Variants in ATP10B observed in about 807,000 individuals in gnomAD.
The protein encoded by ATP10B is phospholipid-transporting ATPase VB.
ATP10B carries 122 observed loss-of-function variants against 141.2 expected under a neutral mutation model. The observed-to-expected ratio is 0.86, with a 90% confidence interval of 0.75 to 1.00. The LOEUF is 1.00. Ranked by LOEUF, ATP10B falls within the 50% of genes least tolerant of loss-of-function variation. The probability of loss-of-function intolerance (pLI) is 0.00; values close to 1 mark genes in which losing one functional copy is unlikely to be tolerated. For missense variants in ATP10B, 1,876 were observed against 1,825.3 expected (o/e 1.03, Z -0.51); for synonymous variants, 685 against 692.0 (o/e 0.99, Z 0.16).
intron 3 of ATP10B, among the ~76,000 whole-genome samples, chr5:160,715,764 T>C (rs1765602474): frequency 6.6e-6 from 1 of 151,808 alleles, no homozygotes; most frequent in African/African-American, 2.4e-5. Context: ...CAGGCTGGAG[T>C]GCAGTGGTGT....
At chr5:160,758,715 T>G (rs145914691) in intron 2 of ATP10B, among the ~76,000 whole-genome samples, 146 of 152,330 alleles carry the variant, frequency 9.6e-4, no homozygotes, top group African/African-American at 3.3e-3. Context: ...TGGGTCCCTT[T>G]TGGGGCCTGG....
chr5:160,733,196 C>CT (rs1310368406), intron 2 of ATP10B, among the ~76,000 whole-genome samples: 2 of 151,912 alleles, frequency 1.3e-5, no homozygotes, highest in Non-Finnish European at 2.9e-5. Context: ...ATTTCTATGT[C>CT]TTTTTTATTG....
chr5:160,631,946 C>G (rs1758964864), intron 13 of ATP10B, among the ~76,000 whole-genome samples, 183 bp downstream of exon 13: 1 of 152,240 alleles, frequency 6.6e-6, no homozygotes, highest in Non-Finnish European at 1.5e-5. Flanking sequence ...AAACATTGAA[C>G]ATTTCTAATG....
chr5:160,603,918 T>C, intron 20 of ATP10B, 47 bp downstream of exon 20: 3 of 1,535,056 alleles, frequency 2.0e-6, no homozygotes, highest in East Asian at 2.3e-5. Flanking sequence ...TTTCCTTGTA[T>C]CTCAACTAAG....
chr5:160,585,152 C>T (rs954621594), intron 24 of ATP10B, among the ~76,000 whole-genome samples: 1 of 152,132 alleles, frequency 6.6e-6, no homozygotes, highest in Non-Finnish European at 1.5e-5. Context: ...TTCTAGCCAC[C>T]ATTTCCTCTT....
intron 2 of ATP10B, among the ~76,000 whole-genome samples, chr5:160,749,494 C>T (rs1721217901): frequency 6.6e-6 from 1 of 152,158 alleles, no homozygotes; most frequent in African/African-American, 2.4e-5. Flanking sequence ...CCTTCTCAGG[C>T]CTTGTCTTAT....
chr5:160,647,524 G>T (rs181782592), intron 8 of ATP10B, among the ~76,000 whole-genome samples: 2 of 152,316 alleles, frequency 1.3e-5, no homozygotes, highest in South Asian at 2.1e-4. Flanking sequence ...CCTGAAATCC[G>T]TCTGAGAGGG....
chr5:160,799,199 A>G lies in ATP10B; in HGVS notation c.-575-13396T>C, dbSNP rs1009404399. 2.0e-5 allele frequency among the ~76,000 whole-genome samples: 3 copies of G among 152,070 alleles called. No homozygotes were observed. The East Asian group carries it at 5.8e-4, about 29-fold the overall frequency. ...GTCCTCGGACTCAGAACACTTCCCCACATCTTTCCAAGGCTACAATGTCTG... is the reference window on the plus strand; with the variant it reads ...GTCCTCGGACTCAGAACACTTCCCCGCATCTTTCCAAGGCTACAATGTCTG... On this transcript the variant is annotated intron_variant, in intron 1 of 25. Transcript: ENST00000327245.
chr5:160,912,292 T>G, the ATP10B span, among the ~76,000 whole-genome samples: 1 of 151,918 alleles, frequency 6.6e-6, no homozygotes, highest in Non-Finnish European at 1.5e-5. Flanking sequence ...TATTAAATAA[T>G]TCAGCCTGGT....
chr5:160,856,488 C>CTAT (rs1330184508), upstream of ATP10B, among the ~76,000 whole-genome samples: 2 of 151,668 alleles, frequency 1.3e-5, no homozygotes, highest in Non-Finnish European at 3.0e-5. Flanking sequence ...ATATGTATGC[C>CTAT]TATTATTTTA....
rs569330167 is a variant in ATP10B, at chr5:160,595,737, A to G, written c.3564+3033T>C. ...CACCACCGATCCCACAGAAATACAA[A>G]CTACCATCAGAAAATACTACAAACA... On this transcript the variant is annotated intron_variant, in intron 22 of 25. Transcript: ENST00000327245. Among the ~76,000 whole-genome samples, 1,166 of 151,408 alleles carry G rather than the reference A, an allele frequency of 7.7e-3. 9 individuals are homozygous for G. The highest frequency in any genetic ancestry group is 0.026 in the African/African-American group (1,090 of 41,272).
upstream of ATP10B, among the ~76,000 whole-genome samples, chr5:160,856,953 G>T (rs763892293): frequency 1.3e-5 from 2 of 151,660 alleles, no homozygotes; most frequent in Non-Finnish European, 3.0e-5. Flanking sequence ...TTTAATTGAT[G>T]AATTTTGTTT....
At chr5:160,705,079 C>T (rs899262848) in intron 3 of ATP10B, among the ~76,000 whole-genome samples, 9 of 151,580 alleles carry the variant, frequency 5.9e-5, no homozygotes, top group South Asian at 2.1e-4. Context: ...CCACCACACC[C>T]GGCTAATTTT....
chr5:160,794,297 C>T (rs1333135665), intron 1 of ATP10B, among the ~76,000 whole-genome samples: 1 of 152,122 alleles, frequency 6.6e-6, no homozygotes, highest in African/African-American at 2.4e-5. Context: ...TGTCCTGCAT[C>T]CCCTGTTTCC....
chr5:160,697,899 C>T (rs574675505), intron 3 of ATP10B, among the ~76,000 whole-genome samples: 1 of 152,218 alleles, frequency 6.6e-6, no homozygotes, highest in African/African-American at 2.4e-5. Flanking sequence ...CTCCTAGCTC[C>T]CCAACTCATA....
At chr5:160,749,555 TC>T (rs1324565617) in intron 2 of ATP10B, among the ~76,000 whole-genome samples, 33 of 152,190 alleles carry the variant, frequency 2.2e-4, no homozygotes, top group African/African-American at 7.7e-4. Flanking sequence ...GTCACTATCA[TC>T]CCTCCAATAC....
the ATP10B span, among the ~76,000 whole-genome samples, chr5:160,918,397 ATC>A: frequency 6.6e-6 from 1 of 152,226 alleles, no homozygotes; most frequent in African/African-American, 2.4e-5. Flanking sequence ...CACAGAATTT[ATC>A]TGAGCTCTGA....
intron 3 of ATP10B, among the ~76,000 whole-genome samples, chr5:160,704,528 G>T (rs1764862556): frequency 6.6e-6 from 1 of 152,124 alleles, no homozygotes; most frequent in Non-Finnish European, 1.5e-5. Context: ...AATTCTTAAA[G>T]ACCCTAGGAT....
At position 160,833,021 on chromosome 5, in the gene ATP10B, G is replaced by C. The variant is rs114756917; in HGVS notation, c.-576+18920C>G. On this transcript the variant is annotated intron_variant, in intron 1 of 25. Coordinates refer to ENST00000327245, the MANE Select transcript of ATP10B (RefSeq NM_025153.3). ...GTTAATGTGCCAAACTCTGGAGTAG[G>C]GCAGGGAATCAGAGAGAGATTTTCT... 4.0e-3 allele frequency among the ~76,000 whole-genome samples: 605 copies of C among 152,226 alleles called. 4 individuals carry two copies. The highest frequency in any genetic ancestry group is 0.014 in the African/African-American group (584 of 41,548).
Sources: allele counts gnomAD v4.1 joint callset (sites outside exome capture counted in the v4.1 genomes callset), GRCh38; gene constraint gnomAD v4.1.1; transcripts MANE v1.5; gene names NCBI Gene and HGNC (gene_info 2026-07-23, HGNC 2026-07-21).